SPON2: variants seen among roughly 807,000 people sequenced by gnomAD.
SPON2 encodes spondin-2.
Under a neutral mutation model 29.9 loss-of-function variants are expected in SPON2, and 32 were observed. That is an observed-to-expected ratio of 1.07 (90% CI 0.81 to 1.44). SPON2 has a LOEUF of 1.44. SPON2 is among the 40% of genes most tolerant of loss of function. SPON2 has a pLI of 0.00. For missense variants in SPON2, 541 were observed against 455.5 expected, an observed-to-expected ratio of 1.19 and a Z score of -1.71; for synonymous variants, 248 against 209.1, an observed-to-expected ratio of 1.19 and a Z score of -1.61.
chr4:1,186,016 G>T (rs570079402), intron 1 of SPON2, among the ~76,000 whole-genome samples: 1 of 151,204 alleles, frequency 6.6e-6, no homozygotes, highest in East Asian at 2.0e-4. Context: ...AGGCCGAGGC[G>T]GGCGGATCAC....
chr4:1,167,120 G>C lies in SPON2; in HGVS notation c.*352C>G, dbSNP rs985632954. ...GGTATCTGCAACCACGTGGGAGCCA[G>C]GCCCCTGGACGATGAAGGACAATCT... On this transcript the variant is annotated 3_prime_UTR_variant, in exon 6 of 6. Coordinates refer to ENST00000290902, the MANE Select transcript of SPON2 (RefSeq NM_012445.4). The C allele has an allele frequency of 9.5e-6, 2 of 209,658 alleles. No individual in the cohort carries two copies. Among genetic ancestry groups the C allele is most frequent in the African/African-American group, 4.6e-5 (2 of 43,544 alleles). 13.0% of individuals were successfully genotyped at this position (209,658 alleles called of 1,614,324 possible).
Position 1,167,359 on chromosome 4 carries a change from T to A in SPON2, c.*113A>T. 8.6e-7 allele frequency: 1 copy of A among 1,167,354 alleles called. No individual in the cohort carries two copies. Among genetic ancestry groups the A allele is most frequent in the Non-Finnish European group, 1.2e-6 (1 of 828,796 alleles). 72.3% of individuals were successfully genotyped at this position (1,167,354 alleles called of 1,614,324 possible). Reference sequence around the variant, plus strand: ...GATGGTCGGCGCGGCCTCACCGCGGTCAGGAGCAGCGCGAAACCCCCTGTG... The same window carrying A: ...GATGGTCGGCGCGGCCTCACCGCGGACAGGAGCAGCGCGAAACCCCCTGTG... On this transcript the variant is annotated 3_prime_UTR_variant, in exon 6 of 6. Transcript: ENST00000290902.
intron 4 of SPON2, 169 bp downstream of exon 4, chr4:1,170,830 G>T: frequency 9.4e-7 from 1 of 1,064,312 alleles, no homozygotes. Context: ...GGGAGAGTAT[G>T]GGAGGGCTGC....
rs79854490 is a variant in SPON2, at chr4:1,170,593, G to A, written c.637-17C>T. On this transcript the variant is annotated splice_polypyrimidine_tract_variant and intron_variant, in intron 4 of 5. Coordinates refer to ENST00000290902, the MANE Select transcript of SPON2 (RefSeq NM_012445.4). Reference sequence around the variant, plus strand: ...GGACGTTATCTGGGGAGGAAGAAGAGGAGGTTGGCCTGGGGTCCGAGAAGC... The same window carrying A: ...GGACGTTATCTGGGGAGGAAGAAGAAGAGGTTGGCCTGGGGTCCGAGAAGC... 6 of 1,235,546 alleles carry A rather than the reference G, an allele frequency of 4.9e-6. No individual in the cohort carries two copies. Among genetic ancestry groups the A allele is most frequent in the Non-Finnish European group, 6.6e-6 (6 of 907,674 alleles). 76.5% of individuals were successfully genotyped at this position (1,235,546 alleles called of 1,614,324 possible). A position where few individuals can be genotyped will look rare whatever the true frequency, so the allele number is the denominator to read the frequency against.
At chr4:1,207,512 G>A (rs1214288854) in intron 1 of SPON2, among the ~76,000 whole-genome samples, 1 of 152,156 alleles carries the variant, frequency 6.6e-6, no homozygotes, top group Non-Finnish European at 1.5e-5. Flanking sequence ...CAGAAGAGCC[G>A]CTGTTTCCAT....
intron 1 of SPON2, among the ~76,000 whole-genome samples, chr4:1,194,698 C>T (rs1019174009): frequency 2.6e-5 from 4 of 152,140 alleles, no homozygotes; most frequent in African/African-American, 4.8e-5. Flanking sequence ...TCCCCAGCCT[C>T]GCTGGTGGCC....
At chr4:1,172,211 T>C in intron 1 of SPON2, 137 bp from the exon 2 acceptor site, 2 of 734,008 alleles carry the variant, frequency 2.7e-6, no homozygotes, top group Non-Finnish European at 4.4e-6. Flanking sequence ...TCCGCAAAGC[T>C]CTCCTGCGGT....
chr4:1,170,335 T>G, intron 5 of SPON2, 67 bp downstream of exon 5: 1 of 1,494,662 alleles, frequency 6.7e-7, no homozygotes, highest in Non-Finnish European at 9.1e-7. Context: ...TAGGTTCGGG[T>G]TTGGTGGTCG....
intron 1 of SPON2, chr4:1,172,303 A>G: frequency 1.7e-6 from 1 of 588,706 alleles, no homozygotes; most frequent in Middle Eastern, 4.5e-4. Context: ...GGTAACGGGC[A>G]GGTTTTCAGT....
intron 1 of SPON2, among the ~76,000 whole-genome samples, chr4:1,194,532 G>A (rs1010540164): frequency 1.3e-5 from 2 of 152,194 alleles, no homozygotes; most frequent in Non-Finnish European, 2.9e-5. Flanking sequence ...GGACAGGGCG[G>A]CTTGCACAGC....
chr4:1,206,181 C>T (rs995125135), intron 1 of SPON2, among the ~76,000 whole-genome samples: 42 of 152,204 alleles, frequency 2.8e-4, no homozygotes, highest in African/African-American at 9.9e-4. Context: ...GGATGCCCCC[C>T]TCCCTGCTCC....
chr4:1,184,842 C>T (rs1180670931), intron 1 of SPON2, among the ~76,000 whole-genome samples: 1 of 150,014 alleles, frequency 6.7e-6, no homozygotes. Flanking sequence ...GAGGCTGAGG[C>T]AGGAGAATCA....
upstream of SPON2, among the ~76,000 whole-genome samples, chr4:1,173,576 CAG>C (rs1727528283): frequency 6.6e-6 from 1 of 152,374 alleles, no homozygotes; most frequent in African/African-American, 2.4e-5. Flanking sequence ...GATCTGGAAA[CAG>C]AGCGGAGGAA....
intron 1 of SPON2, among the ~76,000 whole-genome samples, chr4:1,192,864 C>G (rs1427067060): frequency 6.6e-6 from 1 of 152,208 alleles, no homozygotes; most frequent in African/African-American, 2.4e-5. Flanking sequence ...TTCCAGCAGC[C>G]AGGGGCCCTC....
At chr4:1,170,180 G>A (rs1368759227) in intron 5 of SPON2, 1 of 549,736 alleles carries the variant, frequency 1.8e-6, no homozygotes, top group African/African-American at 1.9e-5. Flanking sequence ...TCTTTCCTCT[G>A]GGCTGTGGCC....
At chr4:1,172,100 CGCGCTG>C (rs766317932) in intron 1 of SPON2, 26 bp from the exon 2 acceptor site, 2 of 1,595,508 alleles carry the variant, frequency 1.3e-6, no homozygotes, top group African/African-American at 2.7e-5. Context: ...GGAGCAGCCG[CGCGCTG>C]GCACCGTCGT....
upstream of SPON2, among the ~76,000 whole-genome samples, chr4:1,198,003 G>A (rs891283305): frequency 6.7e-6 from 1 of 150,034 alleles, no homozygotes; most frequent in African/African-American, 2.5e-5. Context: ...AACTGAGATC[G>A]TCCCACTGCA....
At chr4:1,171,692 C>T in intron 2 of SPON2, 160 bp downstream of exon 2, 2 of 767,746 alleles carry the variant, frequency 2.6e-6, no homozygotes, top group Non-Finnish European at 2.1e-6. Flanking sequence ...ACCGCATCCC[C>T]GGAACCGCAC....
Position 1,167,634 on chromosome 4 carries a change from G to A in SPON2, c.834C>T (p.Cys278=), listed in dbSNP as rs1727287985. ...SASVPETPLD[C]EVSLWSSWGL... ...CCCAGGACGACCACAGGGAGACCTC[G>A]CAGTCCAGCGGCGTTTCTGGAACTG... The change falls in exon 6 of 6, where the codon TGC becomes TGT. Residue 278 remains cysteine, a synonymous_variant. Coordinates refer to ENST00000290902, the MANE Select transcript of SPON2 (RefSeq NM_012445.4). The A allele has an allele frequency of 6.2e-7, 1 of 1,609,926 alleles. No homozygotes were observed. Among genetic ancestry groups the A allele is most frequent in the South Asian group, 1.1e-5 (1 of 90,662 alleles).
Sources: gnomAD v4.1 joint callset for allele counts (sites outside exome capture counted in the v4.1 genomes callset) on GRCh38, gnomAD v4.1.1 for gene constraint, MANE v1.5 for transcripts, NCBI Gene and HGNC (gene_info 2026-07-23, HGNC 2026-07-21) for gene names.